The following EDC3 variants were observed in gnomAD, a reference collection of about 807,000 sequenced individuals.
EDC3 encodes enhancer of mRNA decapping 3, also known as enhancer of mRNA-decapping protein 3.
EDC3 carries 20 observed loss-of-function variants against 41.8 expected under a neutral mutation model. The observed-to-expected ratio is 0.48, with a 90% confidence interval of 0.34 to 0.70. EDC3 has a LOEUF of 0.70. EDC3 is among the 30% of genes least tolerant of loss of function. The pLI is 0.01. For synonymous variants in EDC3, 206 were observed against 243.2 expected, an observed-to-expected ratio of 0.85 and a Z score of 1.42; for missense variants, 444 against 636.8, an observed-to-expected ratio of 0.70 and a Z score of 3.26.
chr15:74,690,425 C>T (rs1344542655), intron 1 of EDC3, among the ~76,000 whole-genome samples: 1 of 152,142 alleles, frequency 6.6e-6, no homozygotes, highest in Non-Finnish European at 1.5e-5. Flanking sequence ...CCATAAATTA[C>T]AAATAAACAA....
intron 1 of EDC3, among the ~76,000 whole-genome samples, chr15:74,682,673 G>T (rs1037309989): frequency 1.3e-5 from 2 of 148,744 alleles, no homozygotes; most frequent in Admixed American, 6.7e-5. Flanking sequence ...ATATGACCCA[G>T]CAGTTGCACT....
intron 5 of EDC3, chr15:74,639,546 C>T (rs909185945): frequency 6.6e-6 from 1 of 152,120 alleles, no homozygotes; most frequent in Non-Finnish European, 1.5e-5. Flanking sequence ...AACCCTGTCT[C>T]TACCAGAAAC....
intron 3 of EDC3, among the ~76,000 whole-genome samples, chr15:74,660,744 T>G (rs1472844237): frequency 6.6e-6 from 1 of 152,174 alleles, no homozygotes; most frequent in Non-Finnish European, 1.5e-5. Flanking sequence ...ACAGAACGAT[T>G]CACCAGGATG....
intron 3 of EDC3, among the ~76,000 whole-genome samples, chr15:74,667,469 GGGAGGAGGAGGGA>G: frequency 1.2e-5 from 1 of 85,896 alleles, no homozygotes; most frequent in South Asian, 5.1e-4. Flanking sequence ...AGGGGGTGGA[GGGAGGAGGAGGGA>G]GGAGGAGGAG....
chr15:74,670,185 T>C (rs1461170394), intron 3 of EDC3, among the ~76,000 whole-genome samples: 1 of 151,964 alleles, frequency 6.6e-6, no homozygotes, highest in Non-Finnish European at 1.5e-5. Flanking sequence ...TAATACATTC[T>C]GCTACCATCT....
At chr15:74,651,351 T>C (rs2062478490) in intron 4 of EDC3, among the ~76,000 whole-genome samples, 1 of 152,178 alleles carries the variant, frequency 6.6e-6, no homozygotes, top group East Asian at 1.9e-4. Context: ...CTGAAAGGAA[T>C]TTCCAGAGAG....
At chr15:74,647,133 C>T (rs2141597550) in intron 4 of EDC3, among the ~76,000 whole-genome samples, 1 of 152,018 alleles carries the variant, frequency 6.6e-6, no homozygotes, top group African/African-American at 2.4e-5. Flanking sequence ...CCTCAGCCTC[C>T]TAAGTAGCTG....
chr15:74,669,248 CAGG>C (rs1324140288), intron 3 of EDC3, among the ~76,000 whole-genome samples: 3 of 151,126 alleles, frequency 2.0e-5, no homozygotes, highest in African/African-American at 7.3e-5. Context: ...GAGGCTGAGG[CAGG>C]AGAATCTTTT....
intron 4 of EDC3, among the ~76,000 whole-genome samples, chr15:74,652,486 C>T (rs371632979): frequency 2.0e-5 from 3 of 152,182 alleles, no homozygotes; most frequent in African/African-American, 4.8e-5. Context: ...CCTCAGCCCC[C>T]CAAAGTGCTG....
At position 74,631,218 on chromosome 15, in the gene EDC3, T is replaced by C. The variant is rs1001076278; in HGVS notation, c.*1394A>G. ...GCCTGAAACCCGTGGTACCAGGGCCTACCCTATGTCCACAATCCTTGGTGA... is the reference window on the plus strand; with the variant it reads ...GCCTGAAACCCGTGGTACCAGGGCCCACCCTATGTCCACAATCCTTGGTGA... On this transcript the variant is annotated 3_prime_UTR_variant, in exon 7 of 7. Transcript: ENST00000315127. The C allele has an allele frequency of 6.6e-6, 1 of 152,496 alleles. No homozygotes were observed. Among genetic ancestry groups the C allele is most frequent in the Non-Finnish European group, 1.5e-5 (1 of 68,134 alleles). 9.4% of individuals were successfully genotyped at this position (152,496 alleles called of 1,614,324 possible).
intron 1 of EDC3, among the ~76,000 whole-genome samples, chr15:74,686,306 C>T (rs530742696): frequency 9.1e-4 from 136 of 150,200 alleles, no homozygotes; most frequent in African/African-American, 3.2e-3. Flanking sequence ...GCCTGGGCAA[C>T]GAGAACAAGA....
In EDC3 at chr15:74,640,322, G is replaced by A. The variant is rs2062334167; in HGVS notation, c.974+144C>T. 4 of 921,714 alleles carry A rather than the reference G, an allele frequency of 4.3e-6. No homozygotes were observed. The Admixed American group carries it at 7.6e-5, about 18-fold the overall frequency. The allele number at this position is 921,714 out of a possible 1,614,324, so 57.1% of individuals were successfully genotyped here. On this transcript the variant is annotated intron_variant, in intron 5 of 6. Transcript: ENST00000315127. ...GGCAAAGAAACCTCACAGCATCCAG[G>A]AAAGTGACTTCAGAGAGACACTCCC... is the stretch of plus-strand genomic sequence containing the variant.
chr15:74,672,748 A>G (rs551393102), intron 2 of EDC3, among the ~76,000 whole-genome samples: 211 of 152,038 alleles, frequency 1.4e-3, no homozygotes, highest in African/African-American at 4.7e-3. Flanking sequence ...CTGGGAGGCA[A>G]AGGTTACAGT....
chr15:74,683,150 C>T (rs1223967777), intron 1 of EDC3, among the ~76,000 whole-genome samples: 3 of 152,126 alleles, frequency 2.0e-5, no homozygotes, highest in Admixed American at 6.5e-5. Context: ...ACATTCATAC[C>T]ACAGGGCAAA....
intron 2 of EDC3, among the ~76,000 whole-genome samples, chr15:74,672,256 G>A (rs1229493886): frequency 9.0e-5 from 11 of 122,872 alleles, no homozygotes; most frequent in African/African-American, 2.6e-4. Context: ...GCGACAGAGC[G>A]AGACTCTGTC....
intron 4 of EDC3, among the ~76,000 whole-genome samples, chr15:74,649,936 G>A (rs1292317430): frequency 2.0e-5 from 3 of 151,984 alleles, no homozygotes; most frequent in African/African-American, 7.2e-5. Flanking sequence ...TTGACTTGCT[G>A]CCATTCTTCC....
chr15:74,674,188 T>A (rs950323), intron 2 of EDC3, among the ~76,000 whole-genome samples: 27,073 of 152,100 alleles, frequency 0.18, 3,517 homozygotes, highest in East Asian at 0.42. Context: ...CACTGCAGTC[T>A]CCAACTCCTA....
At chr15:74,676,528 A>G (rs1010546769) in intron 1 of EDC3, among the ~76,000 whole-genome samples, 1 of 152,178 alleles carries the variant, frequency 6.6e-6, no homozygotes, top group Non-Finnish European at 1.5e-5. Flanking sequence ...GAACAAAGAG[A>G]CATCATAGAC....
At chr15:74,680,088 C>G (rs1413099290) in intron 1 of EDC3, among the ~76,000 whole-genome samples, 1 of 151,756 alleles carries the variant, frequency 6.6e-6, no homozygotes, top group Non-Finnish European at 1.5e-5. Flanking sequence ...TGGTGAAACC[C>G]TGTCTCTACT....
Sources: allele counts gnomAD v4.1 joint callset (sites outside exome capture counted in the v4.1 genomes callset), GRCh38; gene constraint gnomAD v4.1.1; transcripts MANE v1.5; gene names NCBI Gene and HGNC (gene_info 2026-07-23, HGNC 2026-07-21).